Variants in VMP1 observed in about 807,000 individuals in gnomAD.
VMP1 encodes vacuole membrane protein 1.
In VMP1, 11 loss-of-function variants were observed where a neutral mutation model predicts 56.0. That is an observed-to-expected ratio of 0.20 (90% CI 0.12 to 0.32). VMP1 has a LOEUF of 0.32. Among genes scored for constraint, VMP1 ranks in the 10% least tolerant of loss-of-function variants. The pLI is 1.00. For missense variants in VMP1, 296 were observed against 490.3 expected, an observed-to-expected ratio of 0.60 and a Z score of 3.74; for synonymous variants, 149 against 165.0, an observed-to-expected ratio of 0.90 and a Z score of 0.74.
intron 1 of VMP1, among the ~76,000 whole-genome samples, chr17:59,709,222 A>G (rs1316141552): frequency 6.6e-6 from 1 of 152,170 alleles, no homozygotes; most frequent in East Asian, 1.9e-4. Context: ...CATTCGGTAA[A>G]TTTGCTTCTT....
intron 5 of VMP1, among the ~76,000 whole-genome samples, chr17:59,753,227 G>A (rs908957090): frequency 4.0e-5 from 6 of 151,804 alleles, no homozygotes; most frequent in East Asian, 3.9e-4. Context: ...GGTTATGATC[G>A]CGCCACTGCA....
At chr17:59,739,288 G>T (rs2035125493) in intron 5 of VMP1, among the ~76,000 whole-genome samples, 1 of 152,206 alleles carries the variant, frequency 6.6e-6, no homozygotes. Flanking sequence ...AAAATTCCAT[G>T]TGAGAAATGT....
chr17:59,774,968 G>A (rs569237184), intron 7 of VMP1, among the ~76,000 whole-genome samples: 4 of 148,870 alleles, frequency 2.7e-5, no homozygotes, highest in African/African-American at 9.9e-5. Flanking sequence ...TTGAGATGGA[G>A]TCTCGCTCTG....
At chr17:59,742,242 T>G (rs1489714730) in intron 5 of VMP1, among the ~76,000 whole-genome samples, 2 of 152,094 alleles carry the variant, frequency 1.3e-5, no homozygotes. Context: ...GCACAGTGGC[T>G]CATTCCTGTG....
Position 59,840,283 on chromosome 17 carries a change from C to A in VMP1, c.*372C>A, listed in dbSNP as rs1217688562. 3 of 192,572 alleles carry A rather than the reference C, an allele frequency of 1.6e-5. No homozygotes were observed. The highest frequency in any genetic ancestry group is 3.2e-5 in the Non-Finnish European group (3 of 94,236). 11.9% of individuals were successfully genotyped at this position (192,572 alleles called of 1,614,324 possible). On this transcript the variant is annotated 3_prime_UTR_variant, in exon 12 of 12. Transcript: ENST00000262291. ...TATGTCAAGCTTTTTAGGCTTGTCACAAATGATTGCTTTGTTTTCCTAAGT... is the reference window on the plus strand; with the variant it reads ...TATGTCAAGCTTTTTAGGCTTGTCAAAAATGATTGCTTTGTTTTCCTAAGT...
intron 5 of VMP1, among the ~76,000 whole-genome samples, chr17:59,749,961 C>G (rs960779713): frequency 6.6e-6 from 1 of 152,104 alleles, no homozygotes; most frequent in Non-Finnish European, 1.5e-5. Flanking sequence ...CTGTCTAGAA[C>G]AGAGCCTAGT....
At chr17:59,730,138 C>G (rs751039559) in intron 1 of VMP1, 1 of 152,132 alleles carries the variant, frequency 6.6e-6, no homozygotes, top group Non-Finnish European at 1.5e-5. Context: ...TGTGCAGCTC[C>G]TCTGTCCGTT....
At chr17:59,784,427 C>G (rs1182117767) in intron 7 of VMP1, among the ~76,000 whole-genome samples, 4 of 152,046 alleles carry the variant, frequency 2.6e-5, no homozygotes, top group African/African-American at 9.7e-5. Flanking sequence ...CTACCTCACC[C>G]CCTTCACTCC....
intron 10 of VMP1, among the ~76,000 whole-genome samples, chr17:59,828,542 A>G (rs1321768364): frequency 6.6e-6 from 1 of 152,222 alleles, no homozygotes; most frequent in Non-Finnish European, 1.5e-5. Flanking sequence ...AAGGGCACAG[A>G]TGTGAATGAA....
chr17:59,710,808 C>T (rs1165980193), intron 1 of VMP1, among the ~76,000 whole-genome samples: 1 of 152,088 alleles, frequency 6.6e-6, no homozygotes, highest in Admixed American at 6.5e-5. Flanking sequence ...CCGTGGCTCA[C>T]GCCTGTAATC....
intron 5 of VMP1, among the ~76,000 whole-genome samples, chr17:59,748,657 G>A (rs547922387): frequency 1.3e-5 from 2 of 152,126 alleles, no homozygotes; most frequent in Non-Finnish European, 2.9e-5. Context: ...ATTATAATTA[G>A]CAATATCACT....
At chr17:59,766,819 G>A (rs779889559) in intron 6 of VMP1, among the ~76,000 whole-genome samples, 26 of 150,770 alleles carry the variant, frequency 1.7e-4, no homozygotes, top group African/African-American at 5.6e-4. Flanking sequence ...TTGCTCTGTC[G>A]CCCGGGCTAA....
intron 7 of VMP1, among the ~76,000 whole-genome samples, chr17:59,781,422 G>A (rs2036819196): frequency 6.6e-6 from 1 of 152,046 alleles, no homozygotes; most frequent in Non-Finnish European, 1.5e-5. Context: ...ATAAAAATTA[G>A]AATCATACCA....
At chr17:59,775,611 C>G (rs1010244052) in intron 7 of VMP1, among the ~76,000 whole-genome samples, 3 of 152,226 alleles carry the variant, frequency 2.0e-5, no homozygotes, top group African/African-American at 7.2e-5. Context: ...CGTGAGCCAC[C>G]ACACCTGGCC....
chr17:59,730,279 T>G (rs2034775840), intron 1 of VMP1, among the ~76,000 whole-genome samples: 1 of 152,154 alleles, frequency 6.6e-6, no homozygotes, highest in Admixed American at 6.5e-5. Flanking sequence ...ACTTTCTTTT[T>G]TTTTTTGAAG....
intron 10 of VMP1, among the ~76,000 whole-genome samples, chr17:59,822,616 T>C (rs2038494749): frequency 2.0e-5 from 3 of 152,158 alleles, no homozygotes; most frequent in African/African-American, 4.8e-5. Context: ...TGAGCCACCA[T>C]GCCCAGCCAG....
chr17:59,771,716 C>G (rs2036433546), intron 6 of VMP1, among the ~76,000 whole-genome samples: 1 of 149,886 alleles, frequency 6.7e-6, no homozygotes, highest in South Asian at 2.1e-4. Context: ...AGGTGATCCT[C>G]CTACCTCAGC....
chr17:59,774,425 GAAAGAAA>G (rs1394835364), intron 7 of VMP1, among the ~76,000 whole-genome samples: 1 of 99,870 alleles, frequency 1.0e-5, no homozygotes, highest in East Asian at 6.2e-4. Flanking sequence ...AAAAAAAAAA[GAAAGAAA>G]GAAAGAAAGA....
At chr17:59,764,109 C>T (rs923975083) in intron 5 of VMP1, among the ~76,000 whole-genome samples, 1 of 152,054 alleles carries the variant, frequency 6.6e-6, no homozygotes, top group African/African-American at 2.4e-5. Context: ...GGAAAGGTTA[C>T]ATGAGGTGGT....
Sources: gnomAD v4.1 joint callset for allele counts (sites outside exome capture counted in the v4.1 genomes callset) on GRCh38, gnomAD v4.1.1 for gene constraint, MANE v1.5 for transcripts, NCBI Gene and HGNC (gene_info 2026-07-23, HGNC 2026-07-21) for gene names.